The following UBE2D1 variants were observed in gnomAD, a reference collection of about 807,000 sequenced individuals.
UBE2D1 encodes ubiquitin conjugating enzyme E2 D1.
UBE2D1 carries 9 observed loss-of-function variants against 24.6 expected under a neutral mutation model. That is an observed-to-expected ratio of 0.37 (90% CI 0.22 to 0.64). The LOEUF (loss-of-function observed/expected upper bound fraction) is 0.64. UBE2D1 is among the 30% of genes least tolerant of loss of function. The pLI, the probability that UBE2D1 is intolerant of heterozygous loss-of-function variation, is 0.64. For synonymous variants in UBE2D1, 57 were observed against 57.6 expected, an observed-to-expected ratio of 0.99 and a Z score of 0.04; for missense variants, 87 against 177.1, an observed-to-expected ratio of 0.49 and a Z score of 2.89.
intron 1 of UBE2D1, among the ~76,000 whole-genome samples, chr10:58,335,674 T>A (rs2132310208): frequency 6.6e-6 from 1 of 152,302 alleles, no homozygotes; most frequent in African/African-American, 2.4e-5. Context: ...GAAGGTGGGG[T>A]GGGCCTGCAG....
chr10:58,346,427 G>C (rs1277112830), intron 1 of UBE2D1, among the ~76,000 whole-genome samples: 2 of 152,112 alleles, frequency 1.3e-5, no homozygotes, highest in Admixed American at 1.3e-4. Context: ...AGTATTCTAG[G>C]AATATAGCAG....
At chr10:58,358,284 T>TA (rs1840155151) in intron 1 of UBE2D1, among the ~76,000 whole-genome samples, 1 of 152,212 alleles carries the variant, frequency 6.6e-6, no homozygotes, top group Non-Finnish European at 1.5e-5. Context: ...ACTAGTTTGC[T>TA]AGTTAAAATG....
At chr10:58,352,534 A>C (rs1422630005) in intron 1 of UBE2D1, among the ~76,000 whole-genome samples, 2 of 152,048 alleles carry the variant, frequency 1.3e-5, no homozygotes, top group Non-Finnish European at 2.9e-5. Context: ...GGATTGCTTG[A>C]GCGCAGGAGT....
chr10:58,345,444 C>T (rs1840005921), intron 1 of UBE2D1, among the ~76,000 whole-genome samples: 2 of 152,152 alleles, frequency 1.3e-5, no homozygotes, highest in South Asian at 2.1e-4. Context: ...CACTGCACTT[C>T]AGCTTGTATG....
In UBE2D1 at chr10:58,368,726, C is replaced by T; in HGVS notation, c.405C>T (p.Asn135=). 1 of 1,587,040 alleles carries T rather than the reference C, an allele frequency of 6.3e-7. No individual in the cohort carries two copies. Among genetic ancestry groups the T allele is most frequent in the South Asian group, 1.1e-5 (1 of 87,490 alleles). The change falls in exon 7 of 7, where the codon AAC becomes AAT. Residue 135 remains asparagine (N), a synonymous_variant. Coordinates refer to ENST00000373910, the MANE Select transcript of UBE2D1 (RefSeq NM_003338.5). ...CCTTTTTGTGTATCTACAGATACAA[C>T]AGACATGCAAGAGAATGGACTCAGA... ...QIYKSDKEKY[N]RHAREWTQKY... is the part of the protein sequence containing the mutation.
chr10:58,347,461 T>A (rs554478195), intron 1 of UBE2D1, among the ~76,000 whole-genome samples: 1 of 152,214 alleles, frequency 6.6e-6, no homozygotes, highest in Admixed American at 6.5e-5. Flanking sequence ...GAGAGTGTGA[T>A]CAAGAGTCCG....
rs1228847439 is a variant in UBE2D1, at chr10:58,370,543, T to C, written c.*1778T>C. 1 of 152,656 alleles carries C rather than the reference T, an allele frequency of 6.6e-6. No individual in the cohort carries two copies. The highest frequency in any genetic ancestry group is 6.6e-5 in the Admixed American group (1 of 15,252). 9.5% of individuals were successfully genotyped at this position (152,656 alleles called of 1,614,324 possible). On this transcript the variant is annotated 3_prime_UTR_variant, in exon 7 of 7. Transcript: ENST00000373910. ...ACAGCCATATCATGAAAAATTCTAC[T>C]TAGCTATATTATTATAAGCTACATT...
intron 1 of UBE2D1, among the ~76,000 whole-genome samples, chr10:58,338,998 T>A (rs1400752202): frequency 6.6e-6 from 1 of 152,146 alleles, no homozygotes; most frequent in Admixed American, 6.5e-5. Context: ...GCTGCTGAAT[T>A]TTTTTGATTT....
At chr10:58,364,702 T>A in intron 4 of UBE2D1, 69 bp from the exon 5 acceptor site, 1 of 1,162,394 alleles carries the variant, frequency 8.6e-7, no homozygotes, top group African/African-American at 1.5e-5. Context: ...CTAGAGCAAA[T>A]TGGTTCTGTT....
intron 1 of UBE2D1, among the ~76,000 whole-genome samples, chr10:58,355,957 A>G (rs986496827): frequency 2.0e-5 from 3 of 152,140 alleles, no homozygotes; most frequent in Non-Finnish European, 2.9e-5. Flanking sequence ...CCAATCTGTG[A>G]CAGTACCTCA....
Position 58,364,892 on chromosome 10 carries a change from A to G in UBE2D1, c.304+16A>G, listed in dbSNP as rs1156228486. ...GTATCAAAAGGTAATTTCATTGATC[A>G]GGTTTGAAACAGTTGATAACAGTGA... On this transcript the variant is annotated intron_variant, in intron 5 of 6. Coordinates refer to ENST00000373910, the MANE Select transcript of UBE2D1 (RefSeq NM_003338.5). 1.5e-5 allele frequency: 24 copies of G among 1,597,010 alleles called. No individual in the cohort carries two copies. Among genetic ancestry groups the G allele is most frequent in the Non-Finnish European group, 2.1e-5 (24 of 1,165,564 alleles).
chr10:58,350,464 T>G (rs1564559447), intron 1 of UBE2D1, among the ~76,000 whole-genome samples: 1 of 152,200 alleles, frequency 6.6e-6, no homozygotes. Flanking sequence ...TTTTAAAAAG[T>G]TGATCTGTAG....
intron 3 of UBE2D1, among the ~76,000 whole-genome samples, chr10:58,363,146 C>G (rs569577138): frequency 6.6e-6 from 1 of 152,250 alleles, no homozygotes; most frequent in East Asian, 1.9e-4. Context: ...ACGACAGCCT[C>G]TTCAGTTCAT....
At chr10:58,363,130 C>CTTT (rs534609966) in intron 3 of UBE2D1, among the ~76,000 whole-genome samples, 29 of 152,192 alleles carry the variant, frequency 1.9e-4, no homozygotes, top group African/African-American at 6.5e-4. Context: ...TTAGCATTTT[C>CTTT]TTTTCACGAC....
chr10:58,351,569 T>C (rs1840077751), intron 1 of UBE2D1, among the ~76,000 whole-genome samples: 4 of 152,232 alleles, frequency 2.6e-5, no homozygotes, highest in Non-Finnish European at 5.9e-5. Flanking sequence ...GGAGTTGTCG[T>C]CTCCTCTGAT....
At chr10:58,355,943 T>C (rs1840126627) in intron 1 of UBE2D1, among the ~76,000 whole-genome samples, 1 of 152,142 alleles carries the variant, frequency 6.6e-6, no homozygotes, top group Non-Finnish European at 1.5e-5. Context: ...TTAGTAGCTA[T>C]CCTCCAATCT....
chr10:58,338,484 AC>A (rs1320702816), intron 1 of UBE2D1, among the ~76,000 whole-genome samples: 1 of 152,174 alleles, frequency 6.6e-6, no homozygotes, highest in Non-Finnish European at 1.5e-5. Flanking sequence ...AAGGAAAGAT[AC>A]CTAAAACATG....
intron 3 of UBE2D1, among the ~76,000 whole-genome samples, chr10:58,363,204 C>T (rs1418669599): frequency 6.6e-6 from 1 of 152,092 alleles, no homozygotes; most frequent in Non-Finnish European, 1.5e-5. Context: ...GTTTTACTAT[C>T]CTCAACCCTT....
Position 58,344,957 on chromosome 10 carries a change from T to A in UBE2D1, c.24+9732T>A, listed in dbSNP as rs993371971. ...TCAGCTCACTGCAACCTCCACCTCC[T>A]GCGTTTAGGGGATTCTCATGTCTCA... On this transcript the variant is annotated intron_variant, in intron 1 of 6. Transcript: ENST00000373910. 5.3e-5 allele frequency among the ~76,000 whole-genome samples: 8 copies of A among 151,854 alleles called. No homozygotes were observed. The South Asian group carries it at 1.5e-3, about 28-fold the overall frequency.
Sources: allele counts gnomAD v4.1 joint callset (sites outside exome capture counted in the v4.1 genomes callset), GRCh38; gene constraint gnomAD v4.1.1; transcripts MANE v1.5; gene names NCBI Gene and HGNC (gene_info 2026-07-23, HGNC 2026-07-21).